The following CDKN2B-AS1 variants were observed in gnomAD, a reference collection of about 807,000 sequenced individuals.
CDKN2B-AS1 encodes CDKN2B and CDKN2A antisense cis and trans regulatory RNA 1.
chr9:22,113,132 C>T (rs956290309), intron 4 of CDKN2B-AS1, among the ~76,000 whole-genome samples: 3 of 152,190 alleles, frequency 2.0e-5, no homozygotes, highest in Non-Finnish European at 4.4e-5. Flanking sequence ...CCAGGCACTG[C>T]GTGGCTCGGC....
At chr9:22,024,475 G>T (rs1822148842) in intron 1 of CDKN2B-AS1, among the ~76,000 whole-genome samples, 1 of 152,226 alleles carries the variant, frequency 6.6e-6, no homozygotes, top group South Asian at 2.1e-4. Flanking sequence ...GATGGTGTTG[G>T]TTTGGTGAGA....
At chr9:22,097,044 C>T (rs181676595) in intron 4 of CDKN2B-AS1, among the ~76,000 whole-genome samples, 4 of 152,306 alleles carry the variant, frequency 2.6e-5, no homozygotes, top group Admixed American at 2.6e-4. Flanking sequence ...TGGTCAGATG[C>T]AGACCTGTCT....
chr9:22,061,155 T>C (rs557652057), intron 4 of CDKN2B-AS1, among the ~76,000 whole-genome samples: 18 of 152,234 alleles, frequency 1.2e-4, no homozygotes, highest in East Asian at 1.2e-3. Flanking sequence ...CAAGCCAACA[T>C]TGGGGGAGAA....
At chr9:22,017,687 C>A (rs78387406) in intron 1 of CDKN2B-AS1, among the ~76,000 whole-genome samples, 2 of 152,112 alleles carry the variant, frequency 1.3e-5, no homozygotes, top group Admixed American at 1.3e-4. Context: ...TTTATATGAA[C>A]AACATATTGA....
At chr9:22,092,493 A>G (rs202199598) in intron 4 of CDKN2B-AS1, 5 of 152,124 alleles carry the variant, frequency 3.3e-5, no homozygotes, top group Non-Finnish European at 7.4e-5. Flanking sequence ...TATTGCCTCA[A>G]TTTTAGAGCC....
intron 1 of CDKN2B-AS1, among the ~76,000 whole-genome samples, chr9:22,045,400 A>C (rs911914527): frequency 4.6e-5 from 7 of 152,048 alleles, no homozygotes; most frequent in Admixed American, 3.3e-4. Context: ...GTGAAAGTAG[A>C]ATTTTACTCC....
rs1007263689 is a variant in CDKN2B-AS1, at chr9:22,006,315, G to A, written n.29+11154G>A. 1.9e-6 allele frequency: 3 copies of A among 1,591,016 alleles called. No individual in the cohort carries two copies. The highest frequency in any genetic ancestry group is 1.7e-5 in the Admixed American group (1 of 59,388). On this transcript the variant is annotated intron_variant and non_coding_transcript_variant, in intron 1 of 4. Coordinates refer to ENST00000650946, the Ensembl canonical transcript of CDKN2B-AS1. This position sits in a 1 kb window ranked among gnomAD's most constrained non-coding sequence, Gnocchi z 6.4. ...GTATGGGAGATGCCGGCCGGGGCAA[G>A]GCAGGTGGAGCCATTTAAAGAAACA...
intron 4 of CDKN2B-AS1, among the ~76,000 whole-genome samples, chr9:22,067,220 CAAAA>C (rs201218480): frequency 6.6e-6 from 1 of 151,566 alleles, no homozygotes; most frequent in Non-Finnish European, 1.5e-5. Context: ...TAATAATAAA[CAAAA>C]AAAACCACTG....
At chr9:22,053,150 T>C (rs1823426192) in intron 3 of CDKN2B-AS1, among the ~76,000 whole-genome samples, 1 of 152,218 alleles carries the variant, frequency 6.6e-6, no homozygotes, top group Non-Finnish European at 1.5e-5. Context: ...GAAGTAGGAA[T>C]CTTAGCACAA....
At chr9:22,018,768 C>T (rs748570259) in intron 1 of CDKN2B-AS1, among the ~76,000 whole-genome samples, 6 of 152,192 alleles carry the variant, frequency 3.9e-5, no homozygotes, top group African/African-American at 9.6e-5. Flanking sequence ...ATAATGTGAA[C>T]ATGAAATCTT....
chr9:22,029,604 G>C (rs760791672), intron 1 of CDKN2B-AS1: 1 of 696,686 alleles, frequency 1.4e-6, no homozygotes, highest in East Asian at 2.6e-5. Context: ...TGTAAGTGCT[G>C]TTTGGGAAAC....
intron 4 of CDKN2B-AS1, chr9:22,120,624 C>T (rs1287732082): frequency 6.6e-6 from 1 of 151,974 alleles, no homozygotes; most frequent in Non-Finnish European, 1.5e-5. Context: ...AAAAAAATAA[C>T]CTTGTTTCAA....
chr9:22,010,906 G>A (rs1273134241), intron 1 of CDKN2B-AS1, among the ~76,000 whole-genome samples: 1 of 152,184 alleles, frequency 6.6e-6, no homozygotes, highest in African/African-American at 2.4e-5. Flanking sequence ...AAGCTGTTTG[G>A]AGTTGATAAG....
intron 1 of CDKN2B-AS1, chr9:22,009,169 C>A: frequency 1.5e-6 from 1 of 665,140 alleles, no homozygotes; most frequent in South Asian, 1.9e-5. Context: ...TCCTGGCGCT[C>A]AAGAACCAGC....
intron 4 of CDKN2B-AS1, among the ~76,000 whole-genome samples, chr9:22,057,625 A>G (rs1201746871): frequency 4.6e-5 from 7 of 152,102 alleles, no homozygotes; most frequent in African/African-American, 7.2e-5. Flanking sequence ...CTTGGGCAAC[A>G]TGGTGTAAAC....
Position 21,995,361 on chromosome 9 carries a change from C to G in CDKN2B-AS1, n.29+200C>G, listed in dbSNP as rs546649896. On this transcript the variant is annotated intron_variant and non_coding_transcript_variant, in intron 1 of 4. Transcript: ENST00000650946. This position sits in a 1 kb window ranked among gnomAD's most constrained non-coding sequence, Gnocchi z 5.7. ...CCTCTTTCCTCTTCCCCCGCGCTCCCCTCCCCTGCTGGCCGCTCCCCTCCT... is the reference window on the plus strand; with the variant it reads ...CCTCTTTCCTCTTCCCCCGCGCTCCGCTCCCCTGCTGGCCGCTCCCCTCCT... The G allele has an allele frequency of 6.5e-6, 1 of 152,770 alleles. No individual in the cohort carries two copies. The highest frequency in any genetic ancestry group is 1.5e-5 in the Non-Finnish European group (1 of 68,378). 9.5% of individuals were successfully genotyped at this position (152,770 alleles called of 1,614,324 possible).
At chr9:22,061,093 C>T (rs1308881301) in intron 4 of CDKN2B-AS1, among the ~76,000 whole-genome samples, 1 of 152,146 alleles carries the variant, frequency 6.6e-6, no homozygotes, top group African/African-American at 2.4e-5. Context: ...GGAAGTGAAG[C>T]ACATTTCTTT....
intron 1 of CDKN2B-AS1, among the ~76,000 whole-genome samples, chr9:21,998,164 A>G (rs557996105): frequency 3.9e-4 from 59 of 152,254 alleles, no homozygotes; most frequent in African/African-American, 1.4e-3. Flanking sequence ...TATGCAGGGG[A>G]ATTCTAAGTT....
chr9:22,092,875 C>G (rs60356909), intron 4 of CDKN2B-AS1, among the ~76,000 whole-genome samples: 17,200 of 151,800 alleles, frequency 0.11, 3,282 homozygotes, highest in African/African-American at 0.4. Context: ...GCTTTTGAAT[C>G]TGTTTGCTCT....
Sources: gnomAD v4.1 joint callset for allele counts (sites outside exome capture counted in the v4.1 genomes callset) on GRCh38, gnomAD v4.1.1 for gene constraint, Gnocchi (gnomAD v3.1) non-coding constraint, MANE v1.5 for transcripts, NCBI Gene and HGNC (gene_info 2026-07-23, HGNC 2026-07-21) for gene names.